The following KIF1B variants were observed in gnomAD, a reference collection of about 807,000 sequenced individuals.
KIF1B encodes the protein kinesin-like protein KIF1B.
In KIF1B, 76 loss-of-function variants were observed where a neutral mutation model predicts 241.9. The ratio of observed to expected loss-of-function variants is 0.31; its 90% CI spans 0.26 to 0.38. KIF1B has a LOEUF of 0.38. KIF1B is among the 10% of genes least tolerant of loss of function. The pLI is 1.00. For synonymous variants in KIF1B, 750 were observed against 796.7 expected, an observed-to-expected ratio of 0.94 and a Z score of 0.99; for missense variants, 1,622 against 2,271.4, an observed-to-expected ratio of 0.71 and a Z score of 5.81.
intron 32 of KIF1B, among the ~76,000 whole-genome samples, chr1:10,340,213 GATTGCAAATAACA>G (rs1557724403): frequency 6.6e-6 from 1 of 152,142 alleles, no homozygotes; most frequent in African/African-American, 2.4e-5. Flanking sequence ...TATGTTGCTC[GATTGCAAATAACA>G]TAAAAAATAT....
intron 47 of KIF1B, 49 bp from the exon 48 acceptor site, chr1:10,375,206 A>G (rs564234235): frequency 3.9e-6 from 6 of 1,530,916 alleles, no homozygotes; most frequent in Non-Finnish European, 5.4e-6. Context: ...GGCAGTCCCC[A>G]TTGCTGTCTC....
chr1:10,278,613 C>A, intron 13 of KIF1B: 1 of 194,640 alleles, frequency 5.1e-6, no homozygotes, highest in Non-Finnish European at 1.1e-5. Context: ...CTGTAAAATG[C>A]TGGAGTGCCC....
At chr1:10,260,357 C>T (rs1648060752) in intron 4 of KIF1B, among the ~76,000 whole-genome samples, 1 of 152,158 alleles carries the variant, frequency 6.6e-6, no homozygotes, top group Non-Finnish European at 1.5e-5. Flanking sequence ...CTGGGTGAGT[C>T]AGTGAGCAAG....
At chr1:10,299,794 C>T (rs1322860512) in intron 22 of KIF1B, among the ~76,000 whole-genome samples, 1 of 152,032 alleles carries the variant, frequency 6.6e-6, no homozygotes, top group Non-Finnish European at 1.5e-5. Flanking sequence ...GATCTTCTCT[C>T]TTCTTATTTG....
At chr1:10,342,454 T>A (rs1652432727) in intron 33 of KIF1B, among the ~76,000 whole-genome samples, 1 of 152,194 alleles carries the variant, frequency 6.6e-6, no homozygotes, top group Non-Finnish European at 1.5e-5. Flanking sequence ...ACATGAAAAT[T>A]GTTAAAAATT....
chr1:10,291,393 A>G lies in KIF1B; in HGVS notation c.1514+232A>G, dbSNP rs116320425. Among the ~76,000 whole-genome samples the G allele has an allele frequency of 0.019, 2,848 of 152,244 alleles. 74 individuals are homozygous for G. The highest frequency in any genetic ancestry group is 0.063 in the African/African-American group (2,629 of 41,532). Reference sequence around the variant, plus strand: ...TCACAGGTTTATTAGTTACCATATTACATGTTGCTAGGGATTCATAAAAAT... The same window carrying G: ...TCACAGGTTTATTAGTTACCATATTGCATGTTGCTAGGGATTCATAAAAAT... On this transcript the variant is annotated intron_variant, in intron 16 of 48. Coordinates refer to ENST00000676179, the MANE Select transcript of KIF1B (RefSeq NM_001365951.3).
At chr1:10,342,832 T>G (rs530263092) in intron 33 of KIF1B, among the ~76,000 whole-genome samples, 1 of 152,346 alleles carries the variant, frequency 6.6e-6, no homozygotes, top group East Asian at 1.9e-4. Flanking sequence ...AAAAGTTTTT[T>G]TTCTTTTAAA....
intron 24 of KIF1B, 106 bp downstream of exon 24, chr1:10,321,963 G>A: frequency 1.6e-6 from 2 of 1,245,890 alleles, no homozygotes; most frequent in Non-Finnish European, 2.3e-6. Flanking sequence ...GAACTCAGCT[G>A]CTTTGTGCTA....
rs776297246 is a variant in KIF1B at position 10,323,951 on chromosome 1, C to T, written c.2426C>T (p.Thr809Ile). ...CCTTTGCCTCCTGAATTACTTCCCA[C>T]TGAGATGGAAAAAACTCATGAGGAC... is the stretch of plus-strand genomic sequence containing the variant. ...YSPLPPELLP[T>I]EMEKTHEDRP... Residue 809 changes from threonine to isoleucine, a missense_variant, in exon 25 of 49, where the codon ACT (threonine) becomes ATT (isoleucine). By Grantham distance (89) the Thr-to-Ile change is moderately conservative. Transcript: ENST00000676179. 6.2e-7 allele frequency: 1 copy of T among 1,614,134 alleles called. No homozygotes were observed. The highest frequency in any genetic ancestry group is 8.5e-7 in the Non-Finnish European group (1 of 1,179,962).
rs1325303509 is a variant in KIF1B at position 10,379,795 on chromosome 1, CTG to C, written c.*3212_*3213del. 2 of 230,442 alleles carry C rather than the reference CTG, an allele frequency of 8.7e-6. No homozygotes were observed. The highest frequency in any genetic ancestry group is 1.2e-4 in the East Asian group (2 of 16,196). The allele number at this position is 230,442 out of a possible 1,614,324, so 14.3% of individuals were successfully genotyped here. On this transcript the variant is annotated 3_prime_UTR_variant, in exon 49 of 49. Coordinates refer to ENST00000676179, the MANE Select transcript of KIF1B (RefSeq NM_001365951.3). ...CCCCAAATCAGTGCTCAGACCCTCT[CTG>C]TGTCTGTGTGCCCTCCTGGGAGTCA...
At chr1:10,265,636 G>A (rs1042926663) in intron 5 of KIF1B, among the ~76,000 whole-genome samples, 1 of 152,136 alleles carries the variant, frequency 6.6e-6, no homozygotes, top group Admixed American at 6.5e-5. Flanking sequence ...CTTGAGCCCA[G>A]GAGTTCAAGA....
intron 14 of KIF1B, among the ~76,000 whole-genome samples, chr1:10,280,203 T>C: frequency 6.6e-6 from 1 of 152,104 alleles, no homozygotes; most frequent in African/African-American, 2.4e-5. Flanking sequence ...GGGCTAATTT[T>C]TAGATTTGTA....
At chr1:10,304,855 G>A (rs568732439) in intron 22 of KIF1B, 9 of 1,409,574 alleles carry the variant, frequency 6.4e-6, no homozygotes, top group Non-Finnish European at 8.3e-6. Context: ...CTGAAATTTT[G>A]GATAAAGCAT....
chr1:10,275,118 A>C (rs544186611), intron 10 of KIF1B, among the ~76,000 whole-genome samples: 87 of 152,300 alleles, frequency 5.7e-4, no homozygotes, highest in African/African-American at 1.9e-3. Context: ...TTTGGGGGAT[A>C]ATTGAAAGAT....
chr1:10,292,210 A>G, intron 17 of KIF1B, 88 bp downstream of exon 17: 1 of 930,522 alleles, frequency 1.1e-6, no homozygotes, highest in Non-Finnish European at 1.8e-6. Context: ...TTCAGGACCT[A>G]CTCTCCCCCT....
chr1:10,371,238 C>A lies in KIF1B; in HGVS notation c.4922C>A (p.Ser1641Tyr). 1 of 1,614,112 alleles carries A rather than the reference C, an allele frequency of 6.2e-7. No individual in the cohort carries two copies. The highest frequency in any genetic ancestry group is 8.5e-7 in the Non-Finnish European group (1 of 1,179,946). The change falls in exon 45 of 49, where the codon TCT becomes TAT. Residue 1641 changes from serine to tyrosine, a missense_variant. Ser to Tyr is a moderately radical substitution (Grantham distance 144). Coordinates refer to ENST00000676179, the MANE Select transcript of KIF1B (RefSeq NM_001365951.3). ...PSSTCPSLVD[S>Y]RSNSLDQKTP... ...TCCACCTGTCCCTCTCTGGTAGACT[C>A]TAGGAGCAACTCTCTGGATCAGAAG... is the stretch of plus-strand genomic sequence containing the variant.
intron 14 of KIF1B, among the ~76,000 whole-genome samples, chr1:10,280,421 A>AGAT (rs1324749270): frequency 6.6e-6 from 1 of 151,978 alleles, no homozygotes; most frequent in East Asian, 1.9e-4. Context: ...TTTTTAATAG[A>AGAT]GATGGGGTTT....
rs1252803086 is a variant in KIF1B, at chr1:10,374,764, C to T, written c.5097-90C>T. On this transcript the variant is annotated intron_variant, in intron 46 of 48. Coordinates refer to ENST00000676179, the MANE Select transcript of KIF1B (RefSeq NM_001365951.3). The surrounding 1 kb of genome is among the most constrained non-coding windows in gnomAD (Gnocchi z 4.3). Reference sequence around the variant, plus strand: ...TTGCCTGTTTCATCGAATCTAAGGACTTGGCCTAAGTGTGGCGTATTTTGA... The same window carrying T: ...TTGCCTGTTTCATCGAATCTAAGGATTTGGCCTAAGTGTGGCGTATTTTGA... 8.8e-6 allele frequency: 11 copies of T among 1,246,866 alleles called. No individual in the cohort carries two copies. In the Admixed American group the frequency reaches 1.6e-4, roughly 18 times the overall value. 77.2% of individuals were successfully genotyped at this position (1,246,866 alleles called of 1,614,324 possible). A position where few individuals can be genotyped will look rare whatever the true frequency, so the allele number is the denominator to read the frequency against.
Position 10,303,686 on chromosome 1 carries a change from A to G in KIF1B, c.2115+6440A>G, listed in dbSNP as rs1650662502. On this transcript the variant is annotated intron_variant, in intron 22 of 48. Transcript: ENST00000676179. This position sits in a 1 kb window ranked among gnomAD's most constrained non-coding sequence, Gnocchi z 5.2. Reference sequence around the variant, plus strand: ...CTGGAAGATATTTTGCAAGAAGTCAAAAAGCAAAATAACATGAAAGACGAG... The same window carrying G: ...CTGGAAGATATTTTGCAAGAAGTCAGAAAGCAAAATAACATGAAAGACGAG... 4 of 1,614,234 alleles carry G rather than the reference A, an allele frequency of 2.5e-6. No individual in the cohort carries two copies. The Admixed American group carries it at 5.0e-5, about 20-fold the overall frequency.
Sources: gnomAD v4.1 joint callset for allele counts (sites outside exome capture counted in the v4.1 genomes callset) on GRCh38, gnomAD v4.1.1 for gene constraint, Gnocchi (gnomAD v3.1) non-coding constraint, MANE v1.5 for transcripts, NCBI Gene and HGNC (gene_info 2026-07-23, HGNC 2026-07-21) for gene names.